RBFOX2: variants seen among roughly 807,000 people sequenced by gnomAD.
RBFOX2 encodes RNA binding protein fox-1 homolog 2.
RBFOX2 carries 10 observed loss-of-function variants against 49.1 expected under a neutral mutation model. The ratio of observed to expected loss-of-function variants is 0.20; its 90% CI spans 0.13 to 0.35. The LOEUF (loss-of-function observed/expected upper bound fraction) is 0.35, where lower values mean the gene tolerates loss of function less well. Ranked by LOEUF, RBFOX2 falls within the 10% of genes least tolerant of loss-of-function variation. The probability of loss-of-function intolerance (pLI) is 1.00; values close to 1 mark genes in which losing one functional copy is unlikely to be tolerated. For synonymous variants in RBFOX2, 183 were observed against 187.4 expected (o/e 0.98, Z 0.19); for missense variants, 323 against 486.9 (o/e 0.66, Z 3.17).
chr22:36,014,084 G>T (rs1161750744), intron 1 of RBFOX2, among the ~76,000 whole-genome samples: 1 of 151,546 alleles, frequency 6.6e-6, no homozygotes, highest in Non-Finnish European at 1.5e-5. Flanking sequence ...TTTTGGTGGG[G>T]GGCTGGGGCA....
intron 1 of RBFOX2, among the ~76,000 whole-genome samples, chr22:35,817,067 A>G (rs2148350156): frequency 6.6e-6 from 1 of 152,292 alleles, no homozygotes; most frequent in South Asian, 2.1e-4. Context: ...ATTCTGAGAA[A>G]CACTGACTTA....
chr22:35,996,092 G>C (rs550167446), intron 1 of RBFOX2: 1 of 152,152 alleles, frequency 6.6e-6, no homozygotes, highest in African/African-American at 2.4e-5. Context: ...TCCCATTCTG[G>C]CCTCAGCAAA....
At chr22:35,833,082 A>G (rs1245085022) in intron 1 of RBFOX2, among the ~76,000 whole-genome samples, 1 of 152,208 alleles carries the variant, frequency 6.6e-6, no homozygotes, top group Non-Finnish European at 1.5e-5. Context: ...GCATCAATAA[A>G]ACTTAAAAAG....
intron 1 of RBFOX2, among the ~76,000 whole-genome samples, chr22:36,010,506 G>C (rs747361650): frequency 2.6e-5 from 4 of 151,972 alleles, no homozygotes; most frequent in Admixed American, 2.0e-4. Flanking sequence ...TAGAGAGTGA[G>C]ACACAACCCC....
At chr22:35,865,926 TA>T (rs1183342947) in intron 1 of RBFOX2, among the ~76,000 whole-genome samples, 1 of 152,176 alleles carries the variant, frequency 6.6e-6, no homozygotes, top group East Asian at 1.9e-4. Flanking sequence ...TTAAAATTGT[TA>T]ACACAATAAG....
At chr22:35,777,842 A>C (rs1316877225) in intron 4 of RBFOX2, 183 bp downstream of exon 5, 2 of 607,352 alleles carry the variant, frequency 3.3e-6, no homozygotes, top group Non-Finnish European at 5.7e-6. Flanking sequence ...CCCCCATATA[A>C]GTATCAGAAT....
At chr22:36,027,867 G>A (rs906156549) in intron 1 of RBFOX2, among the ~76,000 whole-genome samples, 4 of 152,050 alleles carry the variant, frequency 2.6e-5, no homozygotes, top group Non-Finnish European at 5.9e-5. Flanking sequence ...TTTCCCACCA[G>A]ATCTCCTTTT....
At chr22:35,853,477 T>C (rs2149002193) in intron 1 of RBFOX2, among the ~76,000 whole-genome samples, 1 of 152,156 alleles carries the variant, frequency 6.6e-6, no homozygotes, top group East Asian at 1.9e-4. Context: ...ATGAAAAAAC[T>C]AAAAAATTTA....
chr22:36,003,307 C>T (rs2058499878), intron 1 of RBFOX2, among the ~76,000 whole-genome samples: 1 of 152,204 alleles, frequency 6.6e-6, no homozygotes, highest in Non-Finnish European at 1.5e-5. Context: ...ATTCATTATT[C>T]AGCAAACATT....
At chr22:35,903,898 A>C (rs147959540) in intron 1 of RBFOX2, among the ~76,000 whole-genome samples, 1 of 152,180 alleles carries the variant, frequency 6.6e-6, no homozygotes, top group East Asian at 1.9e-4. Flanking sequence ...TGTAAAACAA[A>C]CACCAGATCT....
intron 6 of RBFOX2, among the ~76,000 whole-genome samples, chr22:35,765,186 T>C (rs1940526734): frequency 1.3e-5 from 2 of 150,346 alleles, no homozygotes; most frequent in African/African-American, 2.5e-5. Context: ...GATAGCATGT[T>C]TGCACTGTGT....
intron 1 of RBFOX2, among the ~76,000 whole-genome samples, chr22:35,952,073 G>A (rs1353476959): frequency 2.0e-5 from 3 of 152,072 alleles, no homozygotes; most frequent in African/African-American, 7.2e-5. Flanking sequence ...TAGGGTTAGG[G>A]TGCTTATGTG....
At chr22:35,825,516 G>A (rs1457276244) in intron 1 of RBFOX2, among the ~76,000 whole-genome samples, 1 of 151,916 alleles carries the variant, frequency 6.6e-6, no homozygotes, top group East Asian at 1.9e-4. Context: ...ATGGGGGCAG[G>A]GCCAGAAATA....
At chr22:35,987,575 T>G (rs536954489) in intron 1 of RBFOX2, among the ~76,000 whole-genome samples, 1 of 152,314 alleles carries the variant, frequency 6.6e-6, no homozygotes, top group Admixed American at 6.5e-5. Flanking sequence ...ACCTGCTCCT[T>G]CTACTGATAA....
At chr22:35,884,192 T>A (rs922017799) in intron 1 of RBFOX2, among the ~76,000 whole-genome samples, 13 of 151,966 alleles carry the variant, frequency 8.6e-5, no homozygotes, top group Non-Finnish European at 1.5e-5. Flanking sequence ...AGATGGGGTT[T>A]TGCTATGTTG....
chr22:35,962,569 T>C (rs2056296234), upstream of RBFOX2, among the ~76,000 whole-genome samples: 1 of 152,174 alleles, frequency 6.6e-6, no homozygotes, highest in Non-Finnish European at 1.5e-5. Context: ...AAAATTATCC[T>C]TTCATAATCA....
intron 1 of RBFOX2, among the ~76,000 whole-genome samples, chr22:35,924,202 C>T (rs1171201576): frequency 2.0e-5 from 3 of 152,132 alleles, no homozygotes; most frequent in Non-Finnish European, 4.4e-5. Flanking sequence ...TGTCCCATGC[C>T]GAGACGTGTG....
In RBFOX2 at chr22:36,005,714, A is replaced by G. The variant is rs535214724; in HGVS notation, c.186+22526T>C. ...TCTAGGTCCCCACTGAATCTAAGGC[A>G]TACCACTTTCACCAGCTTTTGTCTC... On this transcript the variant is annotated intron_variant, in intron 1 of 13. Coordinates refer to the RBFOX2 transcript ENST00000438146. 5.9e-5 allele frequency among the ~76,000 whole-genome samples: 9 copies of G among 152,308 alleles called. No homozygotes were observed. The South Asian group carries it at 1.9e-3, about 32-fold the overall frequency.
intron 1 of RBFOX2, among the ~76,000 whole-genome samples, chr22:35,909,776 T>A (rs2049565425): frequency 6.6e-6 from 1 of 152,190 alleles, no homozygotes; most frequent in South Asian, 2.1e-4. Flanking sequence ...CATGCCCGGT[T>A]AATGTTTTTG....
Sources: allele counts gnomAD v4.1 joint callset (sites outside exome capture counted in the v4.1 genomes callset), GRCh38; gene constraint gnomAD v4.1.1; transcripts MANE v1.5; gene names NCBI Gene and HGNC (gene_info 2026-07-23, HGNC 2026-07-21).